Variants in TNS3 observed in about 807,000 individuals in gnomAD.
TNS3 encodes tensin 3, also known as tensin-3.
A neutral mutation model predicts 140.9 loss-of-function variants in TNS3; 45 were observed. That is an observed-to-expected ratio of 0.32 (90% CI 0.25 to 0.41). TNS3 has a LOEUF of 0.41. Ranked by LOEUF, TNS3 falls within the 10% of genes least tolerant of loss-of-function variation. The probability of loss-of-function intolerance (pLI) is 1.00; values close to 1 mark genes in which losing one functional copy is unlikely to be tolerated. For synonymous variants in TNS3, 815 were observed against 788.4 expected (o/e 1.03, Z -0.56); for missense variants, 1,716 against 1,906.7 (o/e 0.90, Z 1.86).
At chr7:47,283,915 T>G in intron 27 of TNS3, 50 bp from the exon 28 acceptor site, 2 of 1,486,664 alleles carry the variant, frequency 1.3e-6, no homozygotes, top group Non-Finnish European at 1.8e-6. Context: ...TTGGGACAGG[T>G]GTGTCCTGTT....
chr7:47,348,224 C>G (rs1267916859), intron 17 of TNS3, among the ~76,000 whole-genome samples: 1 of 152,310 alleles, frequency 6.6e-6, no homozygotes, highest in South Asian at 2.1e-4. Flanking sequence ...AGGTGGCAGG[C>G]GATAGCCCTG....
At chr7:47,415,289 T>C in intron 10 of TNS3, 83 bp from the exon 11 acceptor site, 6 of 911,562 alleles carry the variant, frequency 6.6e-6, no homozygotes, top group Non-Finnish European at 1.0e-5. Context: ...AAACACATCC[T>C]GGCTGAGTCT....
chr7:47,302,497 T>C (rs1480341455), intron 22 of TNS3, among the ~76,000 whole-genome samples: 1 of 152,192 alleles, frequency 6.6e-6, no homozygotes, highest in Non-Finnish European at 1.5e-5. Flanking sequence ...GCCTTTGCAA[T>C]ACATTTTAAG....
rs569457867 is a variant in TNS3 at position 47,413,468 on chromosome 7, G to A, written c.647+469C>T. Among the ~76,000 whole-genome samples the A allele has an allele frequency of 4.6e-5, 7 of 151,590 alleles. No individual in the cohort carries two copies. In the East Asian group the frequency reaches 5.9e-4, roughly 13 times the overall value. On this transcript the variant is annotated intron_variant, in intron 12 of 30. Transcript: ENST00000311160. ...GTTTCACCATGATGGCCAGGGGCTC[G>A]GTGGCTCACATCTGTAATCCTGGCA...
rs538597015 is a variant in TNS3 at position 47,375,128 on chromosome 7, A to T, written c.1025-5507T>A. Among the ~76,000 whole-genome samples the T allele has an allele frequency of 5.9e-5, 9 of 152,338 alleles. No individual in the cohort carries two copies. In the South Asian group the frequency reaches 1.9e-3, roughly 32 times the overall value. On this transcript the variant is annotated intron_variant, in intron 16 of 30. Coordinates refer to ENST00000311160, the MANE Select transcript of TNS3 (RefSeq NM_022748.12). ...CATGGGGAAGTCTGAATCAACCCTC[A>T]TTCTGCAAATTCAGAACCTAATCTT...
intron 1 of TNS3, among the ~76,000 whole-genome samples, chr7:47,577,473 T>C (rs1219178279): frequency 2.0e-5 from 3 of 152,176 alleles, no homozygotes; most frequent in Admixed American, 1.3e-4. Context: ...CCGCAGCTCC[T>C]GAGCCTTGGC....
chr7:47,292,764 A>G, intron 26 of TNS3, 64 bp downstream of exon 26: 1 of 1,422,788 alleles, frequency 7.0e-7, no homozygotes, highest in Non-Finnish European at 9.7e-7. Context: ...ATGGATCTCT[A>G]AAACCGGTGG....
chr7:47,481,199 A>T, intron 3 of TNS3, 58 bp from the exon 4 acceptor site: 1 of 1,254,080 alleles, frequency 8.0e-7, no homozygotes, highest in Non-Finnish European at 1.0e-6. Context: ...AAATTAGCAT[A>T]ATAATCAAGC....
chr7:47,521,357 G>A (rs1798972076), intron 2 of TNS3, among the ~76,000 whole-genome samples: 1 of 152,220 alleles, frequency 6.6e-6, no homozygotes, highest in Non-Finnish European at 1.5e-5. Context: ...GCATCGCAAT[G>A]CACCAGCTGC....
intron 11 of TNS3, among the ~76,000 whole-genome samples, chr7:47,414,243 C>T (rs952690255): frequency 6.6e-6 from 1 of 152,164 alleles, no homozygotes; most frequent in Non-Finnish European, 1.5e-5. Context: ...TGAAGTGAAG[C>T]CAAGCTGCTT....
chr7:47,381,851 ATTG>A (rs1318183639), intron 16 of TNS3, among the ~76,000 whole-genome samples: 3 of 152,236 alleles, frequency 2.0e-5, no homozygotes, highest in Non-Finnish European at 4.4e-5. Context: ...AACCGAAATT[ATTG>A]TTACCATTCT....
chr7:47,500,666 G>GGGGC (rs1798178642), intron 3 of TNS3, among the ~76,000 whole-genome samples: 1 of 152,186 alleles, frequency 6.6e-6, no homozygotes, highest in African/African-American at 2.4e-5. Context: ...TTCAGAGGGA[G>GGGGC]TAACCATCTT....
intron 16 of TNS3, among the ~76,000 whole-genome samples, chr7:47,371,701 G>C (rs1156624533): frequency 6.7e-6 from 1 of 150,296 alleles, no homozygotes; most frequent in African/African-American, 2.5e-5. Flanking sequence ...AAACTATAAG[G>C]CATGTGCAAA....
chr7:47,477,753 G>C (rs1330075466), intron 4 of TNS3, among the ~76,000 whole-genome samples: 1 of 152,184 alleles, frequency 6.6e-6, no homozygotes, highest in African/African-American at 2.4e-5. Context: ...CACAGTGCCA[G>C]AAGACTCAGC....
chr7:47,413,871 G>C lies in TNS3; in HGVS notation c.647+66C>G, dbSNP rs945211297. 2.6e-6 allele frequency: 4 copies of C among 1,567,242 alleles called. No homozygotes were observed. The African/African-American group carries it at 4.1e-5, about 16-fold the overall frequency. On this transcript the variant is annotated intron_variant, in intron 12 of 30. Transcript: ENST00000311160. ...TCTTCCTGCGGGACAGGCAGCTGAG[G>C]GTCAGCTGCAGTTCCCTGAGCCGTC...
chr7:47,535,434 TCTG>T (rs1473937321), intron 1 of TNS3, among the ~76,000 whole-genome samples: 2 of 152,214 alleles, frequency 1.3e-5, no homozygotes, highest in Non-Finnish European at 2.9e-5. Context: ...TGTAATAACA[TCTG>T]CTCACGCTTC....
intron 17 of TNS3, among the ~76,000 whole-genome samples, chr7:47,360,298 T>A (rs1035838679): frequency 6.6e-5 from 10 of 152,092 alleles, no homozygotes; most frequent in Admixed American, 3.3e-4. Context: ...AGGAGCTGTG[T>A]CTAGTCCTGA....
chr7:47,469,845 G>A (rs1368513903), intron 4 of TNS3, among the ~76,000 whole-genome samples: 1 of 151,966 alleles, frequency 6.6e-6, no homozygotes, highest in Admixed American at 6.6e-5. Flanking sequence ...GTAATGGCAG[G>A]TGCGTGTAAT....
At chr7:47,393,601 T>C (rs1232776380) in intron 16 of TNS3, among the ~76,000 whole-genome samples, 1 of 152,100 alleles carries the variant, frequency 6.6e-6, no homozygotes, top group Non-Finnish European at 1.5e-5. Context: ...GCTTCAGATA[T>C]CATCGAGGCT....
Sources: gnomAD v4.1 joint callset for allele counts (sites outside exome capture counted in the v4.1 genomes callset) on GRCh38, gnomAD v4.1.1 for gene constraint, MANE v1.5 for transcripts, NCBI Gene and HGNC (gene_info 2026-07-23, HGNC 2026-07-21) for gene names.